The following ADAMTS3 variants were observed in gnomAD, a reference collection of about 807,000 sequenced individuals.
ADAMTS3 encodes ADAM metallopeptidase with thrombospondin type 1 motif 3, also known as A disintegrin and metalloproteinase with thrombospondin motifs 3.
In ADAMTS3, 73 loss-of-function variants were observed where a neutral mutation model predicts 129.0. The observed-to-expected ratio is 0.57, with a 90% CI of 0.47 to 0.69. ADAMTS3 has a LOEUF of 0.69. Among genes scored for constraint, ADAMTS3 ranks in the 30% least tolerant of loss-of-function variants. The pLI, the probability that ADAMTS3 is intolerant of heterozygous loss-of-function variation, is 0.00. For missense variants in ADAMTS3, 1,457 were observed against 1,514.5 expected (o/e 0.96, Z 0.63); for synonymous variants, 477 against 510.8 (o/e 0.93, Z 0.89).
intron 4 of ADAMTS3, among the ~76,000 whole-genome samples, chr4:72,409,248 A>T (rs1455246036): frequency 6.6e-6 from 1 of 152,168 alleles, no homozygotes; most frequent in Non-Finnish European, 1.5e-5. Flanking sequence ...TATATTGAAA[A>T]GGAGCAATTA....
At chr4:72,437,318 T>A (rs574043518) in intron 3 of ADAMTS3, among the ~76,000 whole-genome samples, 1 of 151,966 alleles carries the variant, frequency 6.6e-6, no homozygotes, top group African/African-American at 2.4e-5. Flanking sequence ...GGGATCAGCA[T>A]GAAAAGCATC....
At position 72,548,745 on chromosome 4, in the gene ADAMTS3, C is replaced by A; in HGVS notation, c.237G>T (p.Gln79His). 1 of 1,613,986 alleles carries A rather than the reference C, an allele frequency of 6.2e-7. No homozygotes were observed. The highest frequency in any genetic ancestry group is 8.5e-7 in the Non-Finnish European group (1 of 1,179,916). ...SARDVSSNPE[Q>H]LFFNITAFGK... The stretch of plus-strand genomic sequence containing the variant: ...CAAATGCCGTGATGTTAAAGAACAA[C>A]TGCTCAGGGTTGGAAGACACGTCCC... Residue 79 changes from glutamine (Q) to histidine (H), a missense_variant, in exon 3 of 22, where the codon CAG (glutamine) becomes CAT (histidine). Coordinates refer to ENST00000286657, the MANE Select transcript of ADAMTS3 (RefSeq NM_014243.3).
At chr4:72,423,085 C>A (rs1248664861) in intron 3 of ADAMTS3, among the ~76,000 whole-genome samples, 1 of 152,076 alleles carries the variant, frequency 6.6e-6, no homozygotes, top group Admixed American at 6.6e-5. Context: ...CTAACTGTGA[C>A]AACTAAACGT....
intron 3 of ADAMTS3, among the ~76,000 whole-genome samples, chr4:72,529,848 T>C (rs1720924052): frequency 1.2e-5 from 1 of 83,112 alleles, no homozygotes; most frequent in Admixed American, 2.2e-4. Context: ...TAATATATTA[T>C]ATTAATATAT....
chr4:72,520,456 C>T (rs530643886), intron 3 of ADAMTS3, among the ~76,000 whole-genome samples: 1 of 152,232 alleles, frequency 6.6e-6, no homozygotes, highest in Non-Finnish European at 1.5e-5. Flanking sequence ...GGAGCCTACA[C>T]AGACAGGCAG....
At chr4:72,343,637 T>C (rs1006359958) in intron 4 of ADAMTS3, among the ~76,000 whole-genome samples, 18 of 152,128 alleles carry the variant, frequency 1.2e-4, no homozygotes, top group African/African-American at 4.3e-4. Context: ...GTGGCTTCAA[T>C]GGTGCTAGCT....
chr4:72,419,655 T>C (rs1239544041), intron 3 of ADAMTS3, among the ~76,000 whole-genome samples: 1 of 152,162 alleles, frequency 6.6e-6, no homozygotes, highest in Non-Finnish European at 1.5e-5. Context: ...TTAGTATGAG[T>C]GTATTTTATG....
At chr4:72,388,682 C>T (rs1201325126) in intron 4 of ADAMTS3, among the ~76,000 whole-genome samples, 1 of 152,210 alleles carries the variant, frequency 6.6e-6, no homozygotes, top group Non-Finnish European at 1.5e-5. Flanking sequence ...AATCAATCCA[C>T]AGGCTATATT....
intron 4 of ADAMTS3, among the ~76,000 whole-genome samples, chr4:72,367,716 G>C (rs759744934): frequency 1.5e-4 from 23 of 152,028 alleles, no homozygotes; most frequent in Non-Finnish European, 3.1e-4. Flanking sequence ...CGGGCGTGGC[G>C]GCAGGCGCCT....
At position 72,539,509 on chromosome 4, in the gene ADAMTS3, A is replaced by C. The variant is rs112117482; in HGVS notation, c.504+8969T>G. On this transcript the variant is annotated intron_variant, in intron 3 of 21. Coordinates refer to ENST00000286657, the MANE Select transcript of ADAMTS3 (RefSeq NM_014243.3). ...ACTATCAGAAAAAAAAAAAAAAAAA[A>C]AAAACAGAAAATAACAAGTGTTCAC... Among the ~76,000 whole-genome samples, 1,097 of 151,480 alleles carry C rather than the reference A, an allele frequency of 7.2e-3. 15 individuals are homozygous for C. The highest frequency in any genetic ancestry group is 0.025 in the African/African-American group (1,046 of 41,204).
intron 7 of ADAMTS3, 126 bp from the exon 8 acceptor site, chr4:72,320,089 C>T (rs1050732912): frequency 9.9e-6 from 7 of 704,066 alleles, no homozygotes; most frequent in Non-Finnish European, 1.7e-5. Flanking sequence ...CATTATTTCC[C>T]TACTAGCATT....
intron 3 of ADAMTS3, among the ~76,000 whole-genome samples, chr4:72,533,144 G>A (rs185229298): frequency 6.6e-6 from 1 of 152,018 alleles, no homozygotes; most frequent in African/African-American, 2.4e-5. Context: ...TTGTACATCT[G>A]TATAAAAATA....
At chr4:72,368,882 T>C (rs1424247388) in intron 4 of ADAMTS3, among the ~76,000 whole-genome samples, 1 of 152,206 alleles carries the variant, frequency 6.6e-6, no homozygotes. Flanking sequence ...ACAAAGGTAT[T>C]ATTTCCCCCC....
chr4:72,549,375 G>A (rs1181880139), intron 2 of ADAMTS3, among the ~76,000 whole-genome samples: 1 of 152,072 alleles, frequency 6.6e-6, no homozygotes, highest in Non-Finnish European at 1.5e-5. Context: ...TGTATACACT[G>A]TAGCTTACAA....
chr4:72,404,825 A>AACACAC (rs146366382), intron 4 of ADAMTS3, among the ~76,000 whole-genome samples: 177 of 148,918 alleles, frequency 1.2e-3, no homozygotes, highest in African/African-American at 4.0e-3. Flanking sequence ...AAGCAAACAA[A>AACACAC]ACACACACAC....
chr4:72,469,648 C>T (rs1385390954), intron 3 of ADAMTS3, among the ~76,000 whole-genome samples: 1 of 152,052 alleles, frequency 6.6e-6, no homozygotes, highest in East Asian at 1.9e-4. Flanking sequence ...GAACTGTGTG[C>T]ATCCATTTAT....
intron 3 of ADAMTS3, among the ~76,000 whole-genome samples, chr4:72,490,438 G>T (rs2110014261): frequency 6.6e-6 from 1 of 151,974 alleles, no homozygotes; most frequent in East Asian, 1.9e-4. Flanking sequence ...CTAATGTCAT[G>T]AAGCTTTTTT....
chr4:72,509,720 T>C (rs1720262245), intron 3 of ADAMTS3, among the ~76,000 whole-genome samples: 1 of 151,940 alleles, frequency 6.6e-6, no homozygotes, highest in Non-Finnish European at 1.5e-5. Context: ...TTCAAACTAT[T>C]CTGAAAAATG....
intron 3 of ADAMTS3, among the ~76,000 whole-genome samples, chr4:72,525,078 T>C (rs1394019378): frequency 2.6e-5 from 4 of 152,208 alleles, no homozygotes; most frequent in African/African-American, 4.8e-5. Context: ...TATGATTCTA[T>C]AACAGCCAAG....
Sources: gnomAD v4.1 joint callset for allele counts (sites outside exome capture counted in the v4.1 genomes callset) on GRCh38, gnomAD v4.1.1 for gene constraint, MANE v1.5 for transcripts, NCBI Gene and HGNC (gene_info 2026-07-23, HGNC 2026-07-21) for gene names.